The following STK26 variants were observed in gnomAD, a reference collection of about 807,000 sequenced individuals.
STK26 encodes serine/threonine-protein kinase 26.
Under a neutral mutation model 34.7 loss-of-function variants are expected in STK26, and 14 were observed. The ratio of observed to expected loss-of-function variants is 0.40; its 90% confidence interval spans 0.27 to 0.63. STK26 has a LOEUF of 0.63. Ranked by LOEUF, STK26 falls within the 30% of genes least tolerant of loss-of-function variation. The pLI is 0.38. For synonymous variants in STK26, 100 were observed against 109.8 expected, an observed-to-expected ratio of 0.91 and a Z score of 0.56; for missense variants, 226 against 309.1, an observed-to-expected ratio of 0.73 and a Z score of 2.02.
chrX:132,046,396 CTA>C (rs1267019778), intron 2 of STK26, among the ~76,000 whole-genome samples: 5 of 111,538 alleles, frequency 4.5e-5, no homozygotes, highest in Admixed American at 3.8e-4. Context: ...CCTCAAACTG[CTA>C]TGTTATTCAT....
chrX:132,060,988 CT>C (rs1927035364), intron 3 of STK26, among the ~76,000 whole-genome samples: 1 of 111,686 alleles, frequency 9.0e-6, no homozygotes, highest in Non-Finnish European at 1.9e-5. Flanking sequence ...AATTTTAATG[CT>C]TAATGGTATA....
rs762946444 is a variant in STK26 at position 132,067,620 on chromosome X, AT to A, written c.331-586del. ...AAAAACATTATCCCTCCATGATTTAATTTTTTTTTACCATCATAGTCTGAAT... is the reference window on the plus strand; with the variant it reads ...AAAAACATTATCCCTCCATGATTTAATTTTTTTTACCATCATAGTCTGAAT... On this transcript the variant is annotated intron_variant, in intron 4 of 11. Coordinates refer to ENST00000394334, the MANE Select transcript of STK26 (RefSeq NM_016542.4). Among the ~76,000 whole-genome samples, 70 of 110,142 alleles carry A rather than the reference AT, an allele frequency of 6.4e-4. No individual in the cohort carries two copies. In the East Asian group the frequency reaches 7.7e-3, roughly 12 times the overall value.
At position 132,028,031 on chromosome X, in the gene STK26, GT is replaced by G. The variant is rs546393727; in HGVS notation, c.42+4390del. On this transcript the variant is annotated intron_variant, in intron 2 of 11. Transcript: ENST00000394334. Reference sequence around the variant, plus strand: ...CCACCATGCCTGGCTAATTTTTATGGTTTTTTTTTTTTTTTTTTGGAGACAA... The same window carrying G: ...CCACCATGCCTGGCTAATTTTTATGGTTTTTTTTTTTTTTTTTGGAGACAA... Among the ~76,000 whole-genome samples the G allele has an allele frequency of 8.4e-3, 659 of 78,302 alleles. 5 individuals are homozygous for G. Among genetic ancestry groups the G allele is most frequent in the African/African-American group, 0.024 (491 of 20,579 alleles). The allele number at this position is 78,302 out of a possible 115,157, so 68.0% of individuals were successfully genotyped here.
At chrX:132,041,735 TATAGCATTTTTTTTTAAGG>T (rs1377514686) in intron 2 of STK26, among the ~76,000 whole-genome samples, 1 of 110,659 alleles carries the variant, frequency 9.0e-6, no homozygotes, top group Non-Finnish European at 1.9e-5. Context: ...AAACAGACTA[TATAGCATTTTTTTTTAAGG>T]AAAAAGATCA....
At chrX:132,037,137 A>G (rs977883314) in intron 2 of STK26, among the ~76,000 whole-genome samples, 5 of 112,263 alleles carry the variant, frequency 4.5e-5, no homozygotes, top group Non-Finnish European at 9.4e-5. Context: ...TGTATGGAAA[A>G]TATGTAGAAT....
intron 2 of STK26, among the ~76,000 whole-genome samples, chrX:132,031,175 C>T (rs186797949): frequency 4.7e-4 from 52 of 111,189 alleles, no homozygotes; most frequent in African/African-American, 1.6e-3. Context: ...TGGGCCCAAG[C>T]GATCCCCCAT....
chrX:132,063,088 G>T (rs1927109728), intron 3 of STK26, among the ~76,000 whole-genome samples: 1 of 111,097 alleles, frequency 9.0e-6, no homozygotes, highest in Non-Finnish European at 1.9e-5. Flanking sequence ...GTTACAAACA[G>T]TCCGGTAATA....
chrX:132,028,575 A>T (rs755664170), intron 2 of STK26, among the ~76,000 whole-genome samples: 57 of 111,916 alleles, frequency 5.1e-4, no homozygotes, highest in South Asian at 3.7e-4. Flanking sequence ...AGGACTAGAG[A>T]CATCAAGGAG....
intron 2 of STK26, among the ~76,000 whole-genome samples, chrX:132,037,769 CTTT>C (rs755403402): frequency 1.4e-3 from 73 of 51,854 alleles, no homozygotes; most frequent in African/African-American, 5.9e-3. Context: ...CGGAGAGCTG[CTTT>C]TTTTTTTTTT....
chrX:132,023,309 G>C lies in STK26; in HGVS notation c.-209G>C, dbSNP rs774831093. The C allele has an allele frequency of 2.2e-6, 1 of 452,165 alleles. No homozygotes were observed. Among genetic ancestry groups the C allele is most frequent in the Non-Finnish European group, 4.1e-6 (1 of 244,937 alleles). 37.3% of individuals were successfully genotyped at this position (452,165 alleles called of 1,213,427 possible). ...GAGGCGCAGAGGAGCGGCATCACTC[G>C]AGCCCAGGTCCCAGCCACCACCACT... On this transcript the variant is annotated 5_prime_UTR_variant, in exon 1 of 12. Transcript: ENST00000394334.
In STK26 at chrX:132,071,293, G is replaced by T. The variant is rs930811399; in HGVS notation, c.932+76G>T. The T allele has an allele frequency of 1.6e-5, 17 of 1,037,716 alleles. No homozygotes were observed. The African/African-American group carries it at 3.3e-4, about 20-fold the overall frequency. 85.5% of individuals were successfully genotyped at this position (1,037,716 alleles called of 1,213,427 possible). A position where few individuals can be genotyped will look rare whatever the true frequency, so the allele number is the denominator to read the frequency against. On this transcript the variant is annotated intron_variant, in intron 8 of 11. Transcript: ENST00000394334. ...ATATCTTTTAGCTATGCTCCAGTGTGCTTGTTCTAGCATAAAATATAAACC... is the reference window on the plus strand; with the variant it reads ...ATATCTTTTAGCTATGCTCCAGTGTTCTTGTTCTAGCATAAAATATAAACC...
chrX:132,051,839 T>C (rs182501216), intron 2 of STK26, among the ~76,000 whole-genome samples: 1 of 110,183 alleles, frequency 9.1e-6, no homozygotes, highest in East Asian at 2.9e-4. Context: ...AGTGAGAACA[T>C]GCAGTGTTTG....
intron 3 of STK26, among the ~76,000 whole-genome samples, chrX:132,058,383 C>T (rs187708475): frequency 6.3e-5 from 7 of 110,938 alleles, no homozygotes; most frequent in Non-Finnish European, 1.1e-4. Context: ...CTTTTAGGCA[C>T]CTGTGACAAA....
rs371962552 is a variant in STK26, at chrX:132,055,411, T to A, written c.273+550T>A. ...TAAAATGGAATTAAGTGGAATAACA[T>A]CTGCCTCCCCCTCCAAATAAAAGTT... is the stretch of plus-strand genomic sequence containing the variant. On this transcript the variant is annotated intron_variant, in intron 3 of 11. Coordinates refer to ENST00000394334, the MANE Select transcript of STK26 (RefSeq NM_016542.4). 9.3e-5 allele frequency: 97 copies of A among 1,040,644 alleles called. 1 individual carries two copies. In the East Asian group the frequency reaches 1.4e-3, roughly 15 times the overall value. 85.8% of individuals were successfully genotyped at this position (1,040,644 alleles called of 1,213,427 possible). A position where few individuals can be genotyped will look rare whatever the true frequency, so the allele number is the denominator to read the frequency against.
chrX:132,055,571 C>T (rs940032681), intron 3 of STK26: 31 of 994,066 alleles, frequency 3.1e-5, no homozygotes, highest in African/African-American at 9.6e-5. Flanking sequence ...AGTCAGGATT[C>T]GTGTCTGTTG....
chrX:132,052,679 AAC>A (rs1402969377), intron 2 of STK26, among the ~76,000 whole-genome samples: 1 of 112,004 alleles, frequency 8.9e-6, no homozygotes, highest in East Asian at 2.8e-4. Flanking sequence ...ATCCTTTTAA[AAC>A]ACTAATTAGG....
At chrX:132,072,583 G>A (rs1927450780) in intron 9 of STK26, among the ~76,000 whole-genome samples, 1 of 111,252 alleles carries the variant, frequency 9.0e-6, no homozygotes. Flanking sequence ...CATTTCACCT[G>A]GAGATACATA....
At position 132,074,543 on chromosome X, in the gene STK26, T is replaced by C. The variant is rs1445122404; in HGVS notation, c.*384T>C. 7.8e-6 allele frequency: 1 copy of C among 128,939 alleles called. No homozygotes were observed. Among genetic ancestry groups the C allele is most frequent in the Non-Finnish European group, 1.5e-5 (1 of 65,512 alleles). The allele number at this position is 128,939 out of a possible 1,213,427, so 10.6% of individuals were successfully genotyped here. On this transcript the variant is annotated 3_prime_UTR_variant, in exon 12 of 12. Coordinates refer to ENST00000394334, the MANE Select transcript of STK26 (RefSeq NM_016542.4). ...CTCAATATTCAGCTTTTGTAAATTA[T>C]CAAGCTTCAAAAAGCTTTTTTTTTT...
At chrX:132,044,460 G>T (rs1926373359) in intron 2 of STK26, among the ~76,000 whole-genome samples, 1 of 108,851 alleles carries the variant, frequency 9.2e-6, no homozygotes. Context: ...TGAGAAAATG[G>T]CATGAGTCAA....
Sources: allele counts gnomAD v4.1 joint callset (sites outside exome capture counted in the v4.1 genomes callset), GRCh38; gene constraint gnomAD v4.1.1; transcripts MANE v1.5; gene names NCBI Gene and HGNC (gene_info 2026-07-23, HGNC 2026-07-21).